PRLR: variants seen among roughly 807,000 people sequenced by gnomAD.
The protein encoded by PRLR is hPRL receptor.
A neutral mutation model predicts 40.2 loss-of-function variants in PRLR; 13 were observed. The observed-to-expected ratio is 0.32, with a 90% CI of 0.21 to 0.51. PRLR has a LOEUF of 0.51. PRLR is among the 20% of genes least tolerant of loss of function. The pLI is 0.97. For missense variants in PRLR, 656 were observed against 747.3 expected (o/e 0.88, Z 1.42); for synonymous variants, 269 against 278.7 (o/e 0.97, Z 0.35).
intron 1 of PRLR, among the ~76,000 whole-genome samples, chr5:35,142,803 T>A (rs1774061766): frequency 6.6e-6 from 1 of 152,226 alleles, no homozygotes; most frequent in Non-Finnish European, 1.5e-5. Context: ...TTTAGAATAG[T>A]GCTATGGCCA....
At chr5:35,093,266 T>G (rs973273843) in intron 2 of PRLR, among the ~76,000 whole-genome samples, 1 of 152,136 alleles carries the variant, frequency 6.6e-6, no homozygotes, top group Non-Finnish European at 1.5e-5. Flanking sequence ...CAGTGTGGCC[T>G]CATGAGAGTT....
intron 1 of PRLR, among the ~76,000 whole-genome samples, chr5:35,226,402 A>C (rs1026377573): frequency 6.6e-6 from 1 of 152,218 alleles, no homozygotes; most frequent in African/African-American, 2.4e-5. Context: ...TCAACTGTAA[A>C]ATAAAAACAA....
intron 5 of PRLR, among the ~76,000 whole-genome samples, chr5:35,072,995 T>G (rs1280680663): frequency 1.3e-5 from 2 of 152,184 alleles, no homozygotes; most frequent in Non-Finnish European, 2.9e-5. Flanking sequence ...TGTTCTCGCT[T>G]TTCATCAGTT....
intron 1 of PRLR, among the ~76,000 whole-genome samples, chr5:35,168,985 G>T (rs1445901108): frequency 6.6e-6 from 1 of 152,160 alleles, no homozygotes; most frequent in African/African-American, 2.4e-5. Context: ...TCATGAAGCT[G>T]GGTGATTATG....
chr5:35,148,611 G>A (rs543305173), intron 1 of PRLR, among the ~76,000 whole-genome samples: 3 of 152,204 alleles, frequency 2.0e-5, no homozygotes, highest in South Asian at 2.1e-4. Context: ...GAATAACAGC[G>A]TTTACCTGAT....
At chr5:35,128,797 C>G (rs1271213001) in intron 1 of PRLR, among the ~76,000 whole-genome samples, 1 of 152,208 alleles carries the variant, frequency 6.6e-6, no homozygotes, top group Non-Finnish European at 1.5e-5. Flanking sequence ...CTTGTCCTCA[C>G]CTCCTCACTT....
intron 1 of PRLR, among the ~76,000 whole-genome samples, chr5:35,158,288 G>T (rs1774569612): frequency 6.6e-6 from 1 of 152,140 alleles, no homozygotes; most frequent in African/African-American, 2.4e-5. Context: ...GCAGGAGAGG[G>T]TCTTTTTGGC....
Position 35,156,127 on chromosome 5 carries a change from T to TAAAAAAAAAAA in PRLR, c.-105-38016_-105-38006dup, listed in dbSNP as rs765998296. On this transcript the variant is annotated intron_variant, in intron 1 of 9. Transcript: ENST00000618457. ...TCTCCATCTCTCCAGTTGCTCAAGA[T>TAAAAAAAAAAA]AAAAAAAAAAAACAAAAAAAAAAAC... Among the ~76,000 whole-genome samples the TAAAAAAAAAAA allele has an allele frequency of 1.9e-5, 2 of 103,814 alleles. 1 individual carries two copies. The highest frequency in any genetic ancestry group is 7.4e-5 in the African/African-American group (2 of 27,040). The allele number at this position is 103,814 out of a possible 152,430, so 68.1% of individuals were successfully genotyped here. A position where few individuals can be genotyped will look rare whatever the true frequency, so the allele number is the denominator to read the frequency against.
intron 1 of PRLR, among the ~76,000 whole-genome samples, chr5:35,141,688 G>A (rs1221629938): frequency 2.6e-5 from 4 of 152,142 alleles, no homozygotes; most frequent in African/African-American, 9.7e-5. Context: ...TGTAAATGAT[G>A]AAACCAGATG....
chr5:35,178,036 G>A lies in PRLR; in HGVS notation c.-106+52232C>T, dbSNP rs548485274. Among the ~76,000 whole-genome samples, 3 of 151,268 alleles carry A rather than the reference G, an allele frequency of 2.0e-5. No individual in the cohort carries two copies. In the South Asian group the frequency reaches 6.3e-4, roughly 32 times the overall value. ...AGTGACTGTGAAGAGGTGACTCATTGTCGTTCTGATTTGCATTTCCCTAAT... is the reference window on the plus strand; with the variant it reads ...AGTGACTGTGAAGAGGTGACTCATTATCGTTCTGATTTGCATTTCCCTAAT... On this transcript the variant is annotated intron_variant, in intron 1 of 9. Coordinates refer to ENST00000618457, the MANE Select transcript of PRLR (RefSeq NM_000949.7).
intron 1 of PRLR, among the ~76,000 whole-genome samples, chr5:35,167,328 T>C (rs954825086): frequency 6.6e-6 from 1 of 152,108 alleles, no homozygotes; most frequent in South Asian, 2.1e-4. Flanking sequence ...CAAGAATAGA[T>C]GTGGCATTAA....
intron 1 of PRLR, among the ~76,000 whole-genome samples, chr5:35,199,036 G>A (rs1305162360): frequency 6.6e-6 from 1 of 152,214 alleles, no homozygotes; most frequent in Non-Finnish European, 1.5e-5. Flanking sequence ...TGCTGAGAAA[G>A]CAGGGTCCCT....
At chr5:35,116,103 G>A (rs370474658) in intron 2 of PRLR, among the ~76,000 whole-genome samples, 63 of 152,242 alleles carry the variant, frequency 4.1e-4, no homozygotes, top group African/African-American at 1.5e-3. Context: ...ACCAGGTTGG[G>A]AAAGGGTGGA....
chr5:35,198,146 G>T (rs570967485), intron 1 of PRLR, among the ~76,000 whole-genome samples: 15 of 152,336 alleles, frequency 9.8e-5, no homozygotes, highest in African/African-American at 3.6e-4. Flanking sequence ...TAACACTGCT[G>T]ACACAGTTCA....
downstream of PRLR, among the ~76,000 whole-genome samples, chr5:35,052,445 C>T (rs1768526046): frequency 6.6e-6 from 1 of 152,134 alleles, no homozygotes; most frequent in Non-Finnish European, 1.5e-5. Context: ...GCATATCTTT[C>T]ACATAACTAA....
chr5:35,141,283 G>A (rs973246424), intron 1 of PRLR, among the ~76,000 whole-genome samples: 2 of 151,370 alleles, frequency 1.3e-5, no homozygotes, highest in African/African-American at 4.9e-5. Flanking sequence ...TGGTTAATTA[G>A]GTTTGGTAAC....
At chr5:35,088,538 T>G (rs78796851) in intron 3 of PRLR, among the ~76,000 whole-genome samples, 1 of 152,200 alleles carries the variant, frequency 6.6e-6, no homozygotes, top group African/African-American at 2.4e-5. Flanking sequence ...CTCTGAAAGC[T>G]TCTCTTTCTT....
chr5:35,184,360 A>C (rs907719350), intron 1 of PRLR, among the ~76,000 whole-genome samples: 2 of 152,062 alleles, frequency 1.3e-5, no homozygotes, highest in Non-Finnish European at 2.9e-5. Context: ...CTAAAATACA[A>C]AACATTAGCC....
chr5:35,113,383 A>G (rs1180006371), intron 2 of PRLR, among the ~76,000 whole-genome samples: 1 of 31,444 alleles, frequency 3.2e-5, no homozygotes, highest in Non-Finnish European at 8.3e-5. Context: ...CCATTTATCC[A>G]TCCATCCATC....
Sources: gnomAD v4.1 joint callset for allele counts (sites outside exome capture counted in the v4.1 genomes callset) on GRCh38, gnomAD v4.1.1 for gene constraint, MANE v1.5 for transcripts, NCBI Gene and HGNC (gene_info 2026-07-23, HGNC 2026-07-21) for gene names.